VPS8: variants seen among roughly 807,000 people sequenced by gnomAD.
The protein encoded by VPS8 is VPS8 subunit of CORVET complex.
A neutral mutation model predicts 216.4 loss-of-function variants in VPS8; 129 were observed. The observed-to-expected ratio is 0.60, with a 90% CI of 0.52 to 0.69. The LOEUF is 0.69. Among genes scored for constraint, VPS8 ranks in the 30% least tolerant of loss-of-function variants. The probability of loss-of-function intolerance (pLI) is 0.00; values close to 1 mark genes in which losing one functional copy is unlikely to be tolerated. For synonymous variants in VPS8, 571 were observed against 565.4 expected (o/e 1.01, Z -0.14); for missense variants, 1,531 against 1,683.5 (o/e 0.91, Z 1.59).
intron 45 of VPS8, among the ~76,000 whole-genome samples, chr3:185,017,230 CT>C: frequency 6.6e-6 from 1 of 152,098 alleles, no homozygotes; most frequent in Non-Finnish European, 1.5e-5. Flanking sequence ...ACTTCAGGGG[CT>C]TTACCAACTC....
At chr3:185,029,833 G>T (rs139539243) in intron 46 of VPS8, among the ~76,000 whole-genome samples, 95 of 152,182 alleles carry the variant, frequency 6.2e-4, no homozygotes, top group African/African-American at 2.2e-3. Context: ...CAGAGTGCTG[G>T]GATTACAGGC....
chr3:185,034,211 G>T (rs113176065), intron 46 of VPS8, among the ~76,000 whole-genome samples: 313 of 152,276 alleles, frequency 2.1e-3, no homozygotes, highest in Middle Eastern at 0.01. Flanking sequence ...TTACTGCAAA[G>T]GATGTGATTT....
At chr3:184,822,638 A>T (rs1234778565) in intron 1 of VPS8, among the ~76,000 whole-genome samples, 1 of 152,240 alleles carries the variant, frequency 6.6e-6, no homozygotes, top group Non-Finnish European at 1.5e-5. Context: ...CGTGAATTAG[A>T]TTGTGCATGT....
At chr3:184,866,839 T>C (rs752267499) in intron 16 of VPS8, 37 bp from the exon 17 acceptor site, 1 of 1,581,456 alleles carries the variant, frequency 6.3e-7, no homozygotes, top group South Asian at 1.2e-5. Flanking sequence ...TACAAAGGAA[T>C]TTTTTTACCT....
chr3:184,999,939 G>C, intron 45 of VPS8, 78 bp downstream of exon 45: 1 of 1,461,546 alleles, frequency 6.8e-7, no homozygotes, highest in African/African-American at 1.4e-5. Context: ...ATTTCCTTCG[G>C]TTCCATAGGT....
chr3:184,876,139 T>G (rs1729229444), intron 21 of VPS8, among the ~76,000 whole-genome samples: 1 of 152,172 alleles, frequency 6.6e-6, no homozygotes, highest in Non-Finnish European at 1.5e-5. Flanking sequence ...AAATAGTCTG[T>G]CCATTTTTGG....
chr3:185,049,478 T>G (rs1454677745), intron 47 of VPS8, among the ~76,000 whole-genome samples: 1 of 152,144 alleles, frequency 6.6e-6, no homozygotes, highest in Admixed American at 6.5e-5. Context: ...AATCCCTCTT[T>G]TACCACTACC....
chr3:184,900,274 AG>A (rs1349838365), intron 24 of VPS8, among the ~76,000 whole-genome samples: 2 of 152,250 alleles, frequency 1.3e-5, no homozygotes, highest in African/African-American at 2.4e-5. Flanking sequence ...ACATACGTGC[AG>A]GAACACTCAG....
intron 26 of VPS8, among the ~76,000 whole-genome samples, chr3:184,914,338 T>C (rs1173846186): frequency 1.3e-5 from 2 of 152,134 alleles, no homozygotes; most frequent in Admixed American, 6.5e-5. Context: ...AATTGTAGTT[T>C]AAAAAGCTTT....
At chr3:184,821,538 A>T (rs1016312989) in intron 1 of VPS8, among the ~76,000 whole-genome samples, 1 of 151,876 alleles carries the variant, frequency 6.6e-6, no homozygotes, top group African/African-American at 2.4e-5. Context: ...AGTAGAGACG[A>T]GGTTTCACCG....
At chr3:184,955,296 C>T (rs1436375669) in intron 36 of VPS8, among the ~76,000 whole-genome samples, 2 of 152,122 alleles carry the variant, frequency 1.3e-5, no homozygotes, top group Admixed American at 6.5e-5. Flanking sequence ...CTTTGAAGTT[C>T]GTAGTAGATA....
chr3:185,028,892 T>C (rs1254374047), intron 46 of VPS8, among the ~76,000 whole-genome samples: 1 of 152,198 alleles, frequency 6.6e-6, no homozygotes, highest in Non-Finnish European at 1.5e-5. Flanking sequence ...TCGGTCGTTG[T>C]TGAATGAATG....
intron 45 of VPS8, among the ~76,000 whole-genome samples, chr3:185,005,299 G>A (rs141938883): frequency 0.013 from 1,916 of 152,174 alleles, 73 homozygotes; most frequent in Admixed American, 0.081. Flanking sequence ...GCTTGAAGTT[G>A]GGTAATGTGA....
At chr3:184,955,874 T>C (rs1054480398) in intron 36 of VPS8, among the ~76,000 whole-genome samples, 5 of 152,050 alleles carry the variant, frequency 3.3e-5, no homozygotes, top group African/African-American at 9.7e-5. Context: ...TTAAACATGA[T>C]TTTCAAGTTG....
At chr3:184,999,976 G>A (rs1189278212) in intron 45 of VPS8, 115 bp downstream of exon 45, 11 of 1,174,354 alleles carry the variant, frequency 9.4e-6, no homozygotes, top group Non-Finnish European at 1.2e-5. Context: ...GGTGGGTATT[G>A]GGTACATGAA....
intron 23 of VPS8, among the ~76,000 whole-genome samples, chr3:184,896,380 A>G (rs1733475890): frequency 6.6e-6 from 1 of 152,172 alleles, no homozygotes; most frequent in South Asian, 2.1e-4. Context: ...ATGTTAAACA[A>G]CAATTTCAAA....
Position 184,905,138 on chromosome 3 carries a change from C to A in VPS8, c.2146+4166C>A, listed in dbSNP as rs951628625. On this transcript the variant is annotated intron_variant, in intron 25 of 47. Transcript: ENST00000625842. ...TTTTTTACTACAGCATTAATCCATT[C>A]ATGAGGGTAGAACCCTCATGACTTA... Among the ~76,000 whole-genome samples the A allele has an allele frequency of 2.0e-5, 3 of 152,270 alleles. 1 individual carries two copies. The highest frequency in any genetic ancestry group is 4.1e-4 in the South Asian group (2 of 4,822).
At chr3:184,891,461 C>A (rs936487789) in intron 22 of VPS8, among the ~76,000 whole-genome samples, 1 of 152,046 alleles carries the variant, frequency 6.6e-6, no homozygotes, top group Non-Finnish European at 1.5e-5. Context: ...ACTGCAATTA[C>A]TTTTGTACCA....
At chr3:184,895,964 C>A (rs1257339334) in intron 23 of VPS8, among the ~76,000 whole-genome samples, 3 of 151,758 alleles carry the variant, frequency 2.0e-5, no homozygotes, top group Non-Finnish European at 4.4e-5. Flanking sequence ...CCACATTAGT[C>A]CTAATAATGA....
Sources: gnomAD v4.1 joint callset for allele counts (sites outside exome capture counted in the v4.1 genomes callset) on GRCh38, gnomAD v4.1.1 for gene constraint, MANE v1.5 for transcripts, NCBI Gene and HGNC (gene_info 2026-07-23, HGNC 2026-07-21) for gene names.